IMMP2L: variants seen among roughly 807,000 people sequenced by gnomAD.
IMMP2L encodes the protein mitochondrial inner membrane protease subunit 2.
IMMP2L carries 18 observed loss-of-function variants against 19.3 expected under a neutral mutation model. That is an observed-to-expected ratio of 0.93 (90% CI 0.64 to 1.38). IMMP2L has a LOEUF of 1.38. IMMP2L is among the 40% of genes most tolerant of loss of function. The pLI is 0.00. For synonymous variants in IMMP2L, 76 were observed against 73.0 expected (o/e 1.04, Z -0.21); for missense variants, 233 against 218.2 (o/e 1.07, Z -0.43).
intron 3 of IMMP2L, among the ~76,000 whole-genome samples, chr7:111,215,649 C>T (rs900380175): frequency 3.3e-5 from 5 of 152,050 alleles, no homozygotes; most frequent in Non-Finnish European, 7.4e-5. Context: ...CACAAATAGG[C>T]ACTTAAAAAA....
intron 5 of IMMP2L, among the ~76,000 whole-genome samples, chr7:110,679,384 A>G (rs1792539068): frequency 6.6e-6 from 1 of 152,170 alleles, no homozygotes; most frequent in African/African-American, 2.4e-5. Flanking sequence ...GATGGATGAC[A>G]TTACCAACCG....
chr7:110,861,117 GAGAGAGAGAGAGAC>G (rs1404655956), intron 5 of IMMP2L, among the ~76,000 whole-genome samples: 17 of 148,268 alleles, frequency 1.1e-4, no homozygotes, highest in Admixed American at 1.1e-3. Context: ...GAGAGAGAGA[GAGAGAGAGAGAGAC>G]AGAGACAGAG....
chr7:111,223,549 C>G (rs891617931), intron 3 of IMMP2L, among the ~76,000 whole-genome samples: 3 of 152,058 alleles, frequency 2.0e-5, no homozygotes, highest in Non-Finnish European at 2.9e-5. Context: ...CTCTTCAAAA[C>G]CCTTTTTCAT....
chr7:110,745,113 A>G (rs1179140984), intron 5 of IMMP2L, among the ~76,000 whole-genome samples: 1 of 152,230 alleles, frequency 6.6e-6, no homozygotes, highest in African/African-American at 2.4e-5. Flanking sequence ...ATACACAAGT[A>G]TCAATAGCTG....
At chr7:111,377,805 C>A (rs1830822560) in intron 3 of IMMP2L, among the ~76,000 whole-genome samples, 1 of 151,968 alleles carries the variant, frequency 6.6e-6, no homozygotes, top group Non-Finnish European at 1.5e-5. Flanking sequence ...ATGCTATGAA[C>A]AATTTGCTGT....
Position 110,663,531 on chromosome 7 carries a change from G to A in IMMP2L, c.*71C>T, listed in dbSNP as rs996078646. On this transcript the variant is annotated 3_prime_UTR_variant, in exon 6 of 6. Coordinates refer to ENST00000405709, the MANE Select transcript of IMMP2L (RefSeq NM_032549.4). ...TATTGTCAGAAGTTTTTCCCTTTTGGAGGCTTCTTTTTTCCATTCCTTTCC... is the reference window on the plus strand; with the variant it reads ...TATTGTCAGAAGTTTTTCCCTTTTGAAGGCTTCTTTTTTCCATTCCTTTCC... The A allele has an allele frequency of 2.1e-6, 3 of 1,448,260 alleles. No individual in the cohort carries two copies. In the South Asian group the frequency reaches 3.5e-5, roughly 17 times the overall value. The allele number at this position is 1,448,260 out of a possible 1,614,324, so 89.7% of individuals were successfully genotyped here.
At chr7:111,524,707 A>T (rs529259670) in intron 1 of IMMP2L, among the ~76,000 whole-genome samples, 1 of 152,276 alleles carries the variant, frequency 6.6e-6, no homozygotes, top group East Asian at 1.9e-4. Flanking sequence ...GCAAAGAAAT[A>T]TCACCCTGAA....
At chr7:111,359,482 A>C (rs1829049576) in intron 3 of IMMP2L, among the ~76,000 whole-genome samples, 2 of 151,902 alleles carry the variant, frequency 1.3e-5, no homozygotes, top group Admixed American at 6.6e-5. Context: ...TTGTATTTTT[A>C]GTAGAGACGG....
At chr7:111,239,195 T>C (rs37715) in intron 3 of IMMP2L, among the ~76,000 whole-genome samples, 66,620 of 151,632 alleles carry the variant, frequency 0.44, 15,354 homozygotes, top group Non-Finnish European at 0.52. Flanking sequence ...AGTTAATTTG[T>C]TATCCAAACT....
At chr7:111,316,995 AC>A (rs1824177783) in intron 3 of IMMP2L, among the ~76,000 whole-genome samples, 1 of 151,598 alleles carries the variant, frequency 6.6e-6, no homozygotes, top group South Asian at 2.1e-4. Flanking sequence ...GATTACAGGC[AC>A]GTGCAACCAC....
intron 3 of IMMP2L, among the ~76,000 whole-genome samples, chr7:111,296,096 C>T (rs1173165505): frequency 6.6e-6 from 1 of 151,000 alleles, no homozygotes; most frequent in Non-Finnish European, 1.5e-5. Flanking sequence ...ATGAAAAAGG[C>T]CATCTATATA....
In IMMP2L at chr7:111,447,691, A is replaced by C. The variant is rs555702336; in HGVS notation, c.239+39547T>G. 2.4e-3 allele frequency among the ~76,000 whole-genome samples: 365 copies of C among 152,068 alleles called. 3 individuals are homozygous for C. The highest frequency in any genetic ancestry group is 8.4e-3 in the African/African-American group (347 of 41,456). ...CAGCTAACATCATAATGACAGGATC[A>C]AATTCACACATAACAATATTAACTT... is the stretch of plus-strand genomic sequence containing the variant. On this transcript the variant is annotated intron_variant, in intron 3 of 5. Transcript: ENST00000405709.
At chr7:111,073,101 G>A (rs1795099635) in intron 3 of IMMP2L, among the ~76,000 whole-genome samples, 1 of 152,100 alleles carries the variant, frequency 6.6e-6, no homozygotes, top group Admixed American at 6.6e-5. Flanking sequence ...ATTGTACTGT[G>A]GTTATGTAAG....
intron 3 of IMMP2L, among the ~76,000 whole-genome samples, chr7:111,322,312 G>T (rs1361911070): frequency 3.3e-5 from 5 of 151,850 alleles, no homozygotes; most frequent in Non-Finnish European, 4.4e-5. Context: ...TATTTATTGA[G>T]GTCGAATTGA....
intron 3 of IMMP2L, among the ~76,000 whole-genome samples, chr7:111,340,569 G>C (rs922690007): frequency 6.6e-6 from 1 of 151,936 alleles, no homozygotes; most frequent in Admixed American, 6.6e-5. Context: ...GGCAGAACAT[G>C]TATGTACATA....
At position 111,490,047 on chromosome 7, in the gene IMMP2L, C is replaced by T. The variant is rs1397428192; in HGVS notation, c.136-2706G>A. 2.6e-5 allele frequency among the ~76,000 whole-genome samples: 4 copies of T among 151,220 alleles called. No individual in the cohort carries two copies. The East Asian group carries it at 5.8e-4, about 22-fold the overall frequency. ...TCCTGATCTCGTGATCCGCCCGCCTCAGCCTCCCAAAGTGCTGTCATTACA... is the reference window on the plus strand; with the variant it reads ...TCCTGATCTCGTGATCCGCCCGCCTTAGCCTCCCAAAGTGCTGTCATTACA... On this transcript the variant is annotated intron_variant, in intron 2 of 5. Coordinates refer to ENST00000405709, the MANE Select transcript of IMMP2L (RefSeq NM_032549.4).
chr7:111,441,800 A>T (rs2131797640), intron 3 of IMMP2L, among the ~76,000 whole-genome samples: 1 of 151,738 alleles, frequency 6.6e-6, no homozygotes, highest in South Asian at 2.1e-4. Flanking sequence ...GTGTTCTTGT[A>T]TACAACTAAC....
intron 3 of IMMP2L, among the ~76,000 whole-genome samples, chr7:111,144,091 G>T (rs1803220678): frequency 6.6e-6 from 1 of 152,122 alleles, no homozygotes; most frequent in Non-Finnish European, 1.5e-5. Flanking sequence ...CCATCATGTT[G>T]TGACAAAACC....
At chr7:110,823,116 T>C (rs1260090907) in intron 5 of IMMP2L, among the ~76,000 whole-genome samples, 3 of 152,136 alleles carry the variant, frequency 2.0e-5, no homozygotes, top group Non-Finnish European at 4.4e-5. Context: ...GTTTTTAATG[T>C]AATTTTTATT....
Sources: allele counts gnomAD v4.1 joint callset (sites outside exome capture counted in the v4.1 genomes callset), GRCh38; gene constraint gnomAD v4.1.1; transcripts MANE v1.5; gene names NCBI Gene and HGNC (gene_info 2026-07-23, HGNC 2026-07-21).